CDC27: variants seen among roughly 807,000 people sequenced by gnomAD.
The protein encoded by CDC27 is cell division cycle 27.
In CDC27, 27 loss-of-function variants were observed where a neutral mutation model predicts 109.7. The observed-to-expected ratio is 0.25, with a 90% confidence interval of 0.18 to 0.34. The LOEUF is 0.34. Among genes scored for constraint, CDC27 ranks in the 10% least tolerant of loss-of-function variants. CDC27 has a pLI of 1.00. For synonymous variants in CDC27, 266 were observed against 333.9 expected, an observed-to-expected ratio of 0.80 and a Z score of 2.22; for missense variants, 579 against 960.2, an observed-to-expected ratio of 0.60 and a Z score of 5.25.
chr17:47,176,617 G>A (rs1293709976), intron 2 of CDC27, among the ~76,000 whole-genome samples: 4 of 152,160 alleles, frequency 2.6e-5, no homozygotes, highest in African/African-American at 7.2e-5. Flanking sequence ...ACTGTGTAAA[G>A]ATTTAGGAAC....
At chr17:47,188,886 C>T in intron 1 of CDC27, 2 of 1,383,274 alleles carry the variant, frequency 1.4e-6, no homozygotes, top group Non-Finnish European at 1.9e-6. Flanking sequence ...AAAGGCTGGC[C>T]GGACGTTGGC....
intron 17 of CDC27, among the ~76,000 whole-genome samples, chr17:47,123,402 C>CTT (rs57868315): frequency 3.3e-4 from 40 of 122,994 alleles, no homozygotes; most frequent in African/African-American, 1.1e-3. Flanking sequence ...TTTTTTTCTA[C>CTT]TTTTTTTTTT....
Position 47,118,816 on chromosome 17 carries a change from A to C in CDC27, c.*2119T>G, listed in dbSNP as rs2061927953. 1 of 152,348 alleles carries C rather than the reference A, an allele frequency of 6.6e-6. No homozygotes were observed. The highest frequency in any genetic ancestry group is 2.1e-4 in the South Asian group (1 of 4,832). The allele number at this position is 152,348 out of a possible 1,614,324, so 9.4% of individuals were successfully genotyped here. A position where few individuals can be genotyped will look rare whatever the true frequency, so the allele number is the denominator to read the frequency against. On this transcript the variant is annotated 3_prime_UTR_variant, in exon 19 of 19. Coordinates refer to ENST00000066544, the MANE Select transcript of CDC27 (RefSeq NM_001256.6). Reference sequence around the variant, plus strand: ...CTTCAAATACCTAAATGACTTTGAAAGTAGGTATGAGGAAAAATAAAATAG... The same window carrying C: ...CTTCAAATACCTAAATGACTTTGAACGTAGGTATGAGGAAAAATAAAATAG...
intron 4 of CDC27, among the ~76,000 whole-genome samples, chr17:47,167,116 A>G (rs1424453719): frequency 2.6e-5 from 4 of 152,242 alleles, no homozygotes; most frequent in Non-Finnish European, 5.9e-5. Flanking sequence ...TGGCCTCCCA[A>G]AGGGCTGGGA....
In CDC27 at chr17:47,132,017, A is replaced by C. The variant is rs528309629; in HGVS notation, c.2031+240T>G. Among the ~76,000 whole-genome samples the C allele has an allele frequency of 3.4e-5, 5 of 148,732 alleles. No homozygotes were observed. In the East Asian group the frequency reaches 8.2e-4, roughly 24 times the overall value. On this transcript the variant is annotated intron_variant, in intron 15 of 18. Transcript: ENST00000066544. ...ACAGAACAACCCTATGAGGTAAGCA[A>C]GTAGTACATGACATTCATAAAATAA... is the stretch of plus-strand genomic sequence containing the variant.
chr17:47,170,236 T>C, intron 3 of CDC27, 194 bp from the exon 4 acceptor site: 1 of 394,496 alleles, frequency 2.5e-6, no homozygotes, highest in South Asian at 5.0e-5. Context: ...TCTTGCTTTG[T>C]TACCCAGGCT....
intron 8 of CDC27, among the ~76,000 whole-genome samples, chr17:47,154,277 T>C (rs903010150): frequency 1.3e-5 from 2 of 152,074 alleles, no homozygotes; most frequent in Admixed American, 1.3e-4. Flanking sequence ...AAAAAACATA[T>C]ATACACAGTG....
rs533042703 is a variant in CDC27 at position 47,165,567 on chromosome 17, C to A, written c.377+4350G>T. 3.3e-5 allele frequency among the ~76,000 whole-genome samples: 5 copies of A among 152,244 alleles called. No homozygotes were observed. The East Asian group carries it at 9.6e-4, about 29-fold the overall frequency. On this transcript the variant is annotated intron_variant, in intron 4 of 18. Transcript: ENST00000066544. The stretch of plus-strand genomic sequence containing the variant: ...GAGAGTTCTTTATATAGTCTAGATA[C>A]AATCTGTGTTGTTTATGGGATTTGC...
intron 8 of CDC27, among the ~76,000 whole-genome samples, chr17:47,152,974 C>T (rs563611199): frequency 6.6e-6 from 1 of 152,284 alleles, no homozygotes; most frequent in Non-Finnish European, 1.5e-5. Flanking sequence ...CAGCAGGTCA[C>T]ATTTTTTCCT....
chr17:47,188,833 T>A, intron 1 of CDC27: 1 of 1,260,022 alleles, frequency 7.9e-7, no homozygotes, highest in Non-Finnish European at 1.0e-6. Context: ...TTTCGGCCCC[T>A]CATCTCCCAC....
At chr17:47,173,693 G>A (rs1037669609) in intron 2 of CDC27, among the ~76,000 whole-genome samples, 1 of 128,872 alleles carries the variant, frequency 7.8e-6, no homozygotes, top group African/African-American at 2.6e-5. Flanking sequence ...GTACATGTGC[G>A]TGTGTAATTT....
At chr17:47,138,651 A>T (rs2062697187) in intron 13 of CDC27, 88 bp downstream of exon 13, 1 of 884,506 alleles carries the variant, frequency 1.1e-6, no homozygotes, top group African/African-American at 1.7e-5. Context: ...GGTGACACTA[A>T]ATAGTGTTTG....
chr17:47,171,973 A>G lies in CDC27; in HGVS notation c.195T>C (p.Ser65=), dbSNP rs1051591809. The G allele has an allele frequency of 6.2e-7, 1 of 1,604,098 alleles. No individual in the cohort carries two copies. The highest frequency in any genetic ancestry group is 8.5e-7 in the Non-Finnish European group (1 of 1,175,520). ...GGTATTTGCATTGCGGTGTAGTACA[A>G]CTGTGTCCTTTCAAGAGTCTATATG... ...YKAYRLLKGH[S]CTTPQCKYLL... is the part of the protein sequence containing the mutation. The change falls in exon 3 of 19, where the codon AGT becomes AGC. Residue 65 remains serine, a synonymous_variant. Transcript: ENST00000066544.
intron 7 of CDC27, among the ~76,000 whole-genome samples, chr17:47,155,374 T>C (rs1336803388): frequency 3.3e-5 from 5 of 152,148 alleles, no homozygotes; most frequent in Non-Finnish European, 5.9e-5. Flanking sequence ...ACCCCCAAAG[T>C]ACCTGGGATT....
At chr17:47,132,441 G>T in intron 14 of CDC27, 67 bp from the exon 15 acceptor site, 1 of 695,546 alleles carries the variant, frequency 1.4e-6, no homozygotes, top group Non-Finnish European at 2.3e-6. Context: ...AGTTCAATTA[G>T]TAAAAGAACA....
rs2062624217 is a variant in CDC27, at chr17:47,136,971, G to C, written c.1913+181C>G. On this transcript the variant is annotated intron_variant, in intron 14 of 18. Transcript: ENST00000066544. The stretch of plus-strand genomic sequence containing the variant: ...ATTCTATTATCATTAGTTAATTTAA[G>C]AGTTTGTTAAAGACGTACATTTCAT... Among the ~76,000 whole-genome samples, 3 of 152,308 alleles carry C rather than the reference G, an allele frequency of 2.0e-5. No individual in the cohort carries two copies. In the South Asian group the frequency reaches 6.2e-4, roughly 32 times the overall value.
At chr17:47,169,766 A>G (rs2063758490) in intron 4 of CDC27, 151 bp downstream of exon 4, 1 of 469,590 alleles carries the variant, frequency 2.1e-6, no homozygotes, top group Non-Finnish European at 3.5e-6. Context: ...TTAGATTAGC[A>G]TCTCTGCTAT....
At chr17:47,175,807 CTCTGTCTCAAA>C (rs1272285392) in intron 2 of CDC27, among the ~76,000 whole-genome samples, 10 of 152,246 alleles carry the variant, frequency 6.6e-5, no homozygotes. Flanking sequence ...CAGAGCGAGA[CTCTGTCTCAAA>C]AGAAAAAAAA....
rs925854788 is a variant in CDC27, at chr17:47,187,076, T to C, written c.27+2070A>G. Among the ~76,000 whole-genome samples, 8 of 152,316 alleles carry C rather than the reference T, an allele frequency of 5.3e-5. No individual in the cohort carries two copies. In the East Asian group the frequency reaches 1.5e-3, roughly 29 times the overall value. The stretch of plus-strand genomic sequence containing the variant: ...TCCATTCTTGAATGGCTTCTTATAC[T>C]ATACAACCAAAATTTTCACCTAGTC... On this transcript the variant is annotated intron_variant, in intron 1 of 18. Transcript: ENST00000066544.
Sources: gnomAD v4.1 joint callset for allele counts (sites outside exome capture counted in the v4.1 genomes callset) on GRCh38, gnomAD v4.1.1 for gene constraint, MANE v1.5 for transcripts, NCBI Gene and HGNC (gene_info 2026-07-23, HGNC 2026-07-21) for gene names.